Variants in EXT2 observed in about 807,000 individuals in gnomAD.
The protein encoded by EXT2 is exostosin-2.
In EXT2, 53 loss-of-function variants were observed where a neutral mutation model predicts 81.6. The observed-to-expected ratio is 0.65, with a 90% CI of 0.52 to 0.82. The LOEUF (loss-of-function observed/expected upper bound fraction) is 0.82, where lower values mean the gene tolerates loss of function less well. EXT2 is among the 40% of genes least tolerant of loss of function. The pLI is 0.00. For missense variants in EXT2, 774 were observed against 910.2 expected, an observed-to-expected ratio of 0.85 and a Z score of 1.93; for synonymous variants, 320 against 340.0, an observed-to-expected ratio of 0.94 and a Z score of 0.65.
intron 8 of EXT2, among the ~76,000 whole-genome samples, chr11:44,192,413 G>A (rs1955404619): frequency 6.6e-6 from 1 of 152,078 alleles, no homozygotes; most frequent in African/African-American, 2.4e-5. Context: ...TGAGAGGAAG[G>A]AAAGTGTTCA....
At chr11:44,211,121 A>G (rs563903114) in intron 10 of EXT2, among the ~76,000 whole-genome samples, 4 of 152,362 alleles carry the variant, frequency 2.6e-5, no homozygotes, top group African/African-American at 9.6e-5. Context: ...GGACAATGAA[A>G]CAGAATAAAG....
intron 8 of EXT2, among the ~76,000 whole-genome samples, chr11:44,187,799 A>G (rs1955337394): frequency 6.6e-6 from 1 of 152,198 alleles, no homozygotes; most frequent in Non-Finnish European, 1.5e-5. Flanking sequence ...AGTGAGACAT[A>G]TTTATATTCA....
At chr11:44,173,893 A>G (rs1401541607) in intron 8 of EXT2, among the ~76,000 whole-genome samples, 1 of 152,082 alleles carries the variant, frequency 6.6e-6, no homozygotes, top group Middle Eastern at 3.2e-3. Context: ...AACAGTAACA[A>G]GGGGCATACT....
chr11:44,121,642 C>T (rs557548483), intron 4 of EXT2, among the ~76,000 whole-genome samples: 1 of 151,120 alleles, frequency 6.6e-6, no homozygotes, highest in Non-Finnish European at 1.5e-5. Context: ...TGACCCCCTA[C>T]ATTGTGCTGC....
At chr11:44,103,559 C>CTT in intron 1 of EXT2, 1 of 369,356 alleles carries the variant, frequency 2.7e-6, no homozygotes. Flanking sequence ...AGTGTTTCCT[C>CTT]TTTTTTTTCT....
At position 44,244,460 on chromosome 11, in the gene EXT2, C is replaced by T; in HGVS notation, c.*173C>T. The T allele has an allele frequency of 1.5e-6, 1 of 648,838 alleles. No individual in the cohort carries two copies. Among genetic ancestry groups the T allele is most frequent in the East Asian group, 2.7e-5 (1 of 36,402 alleles). The allele number at this position is 648,838 out of a possible 1,614,324, so 40.2% of individuals were successfully genotyped here. ...AAGAACAAGAACCTAGAATGAATAT[C>T]CAAGCACCTCGAGCTATGCAACCTC... On this transcript the variant is annotated 3_prime_UTR_variant, in exon 14 of 14. Transcript: ENST00000533608.
At chr11:44,197,769 T>C (rs1955472944) in intron 8 of EXT2, 60 bp from the exon 9 acceptor site, 2 of 1,577,476 alleles carry the variant, frequency 1.3e-6, no homozygotes, top group Admixed American at 3.3e-5. Context: ...GCTGACGATA[T>C]TGGGTCAGCC....
At chr11:44,194,257 G>A (rs896150713) in intron 8 of EXT2, among the ~76,000 whole-genome samples, 3 of 152,214 alleles carry the variant, frequency 2.0e-5, no homozygotes, top group Middle Eastern at 3.4e-3. Flanking sequence ...AAATTTATGT[G>A]CACACTTTGT....
intron 7 of EXT2, among the ~76,000 whole-genome samples, chr11:44,139,120 C>CTT (rs397965600): frequency 0.22 from 30,041 of 139,410 alleles, 3,626 homozygotes; most frequent in Non-Finnish European, 0.28. Flanking sequence ...TCTCTCTCTC[C>CTT]TTTTTTTTTT....
intron 10 of EXT2, among the ~76,000 whole-genome samples, chr11:44,216,541 T>C (rs986862368): frequency 3.9e-5 from 6 of 152,164 alleles, no homozygotes; most frequent in African/African-American, 1.2e-4. Context: ...AACCAGATCT[T>C]ATTTCGTTCA....
At chr11:44,124,194 T>C (rs1003834848) in intron 4 of EXT2, among the ~76,000 whole-genome samples, 1 of 152,108 alleles carries the variant, frequency 6.6e-6, no homozygotes, top group African/African-American at 2.4e-5. Flanking sequence ...ACCAATTCGG[T>C]CTCCCTCCCA....
intron 5 of EXT2, 113 bp downstream of exon 5, chr11:44,125,097 G>A: frequency 1.0e-6 from 1 of 999,110 alleles, no homozygotes; most frequent in Non-Finnish European, 1.5e-6. Flanking sequence ...ATTACCCAAG[G>A]GGAAGAAAAC....
chr11:44,200,107 A>G (rs1955504809), intron 9 of EXT2, among the ~76,000 whole-genome samples: 1 of 151,814 alleles, frequency 6.6e-6, no homozygotes, highest in African/African-American at 2.4e-5. Context: ...ATGCCAGCAA[A>G]TGCATCTGAT....
At position 44,114,210 on chromosome 11, in the gene EXT2, T is replaced by C; in HGVS notation, c.652T>C (p.Ser218Pro). 1.9e-6 allele frequency: 3 copies of C among 1,614,172 alleles called. No individual in the cohort carries two copies. The highest frequency in any genetic ancestry group is 2.5e-6 in the Non-Finnish European group (3 of 1,180,000). The change falls in exon 4 of 14, where the codon TCT becomes CCT. Residue 218 changes from serine to proline, a missense_variant. By Grantham distance (74) the Ser-to-Pro change is moderately conservative. This residue lies in a region of EXT2 where 626 missense variants were observed against 670.5 expected (regional missense o/e 0.93). Transcript: ENST00000533608. ...DRALLAGGGFSTWTYRQGYDV... is the reference protein window; with the variant it reads ...DRALLAGGGFPTWTYRQGYDV... ...GGCCCTGTTGGCTGGTGGCGGCTTTTCTACGTGGACTTACCGGCAAGGCTA... is the reference window on the plus strand; with the variant it reads ...GGCCCTGTTGGCTGGTGGCGGCTTTCCTACGTGGACTTACCGGCAAGGCTA...
At chr11:44,135,173 G>T (rs977162550) in intron 7 of EXT2, among the ~76,000 whole-genome samples, 2 of 152,178 alleles carry the variant, frequency 1.3e-5, no homozygotes, top group Non-Finnish European at 2.9e-5. Flanking sequence ...GTAAATGTGT[G>T]CATACACCGA....
At chr11:44,096,446 G>T (rs144870408) in intron 1 of EXT2, 9,904 of 977,392 alleles carry the variant, frequency 0.01, 85 homozygotes, top group Non-Finnish European at 0.013. Context: ...GGGTGGCCGG[G>T]GTCATGTTGG....
chr11:44,102,101 G>A (rs960917087), intron 1 of EXT2, among the ~76,000 whole-genome samples: 12 of 152,120 alleles, frequency 7.9e-5, no homozygotes, highest in East Asian at 3.9e-4. Context: ...GATCTCTTTC[G>A]GGAAAGATCT....
intron 8 of EXT2, among the ~76,000 whole-genome samples, chr11:44,188,913 A>T (rs1423531976): frequency 6.6e-6 from 1 of 152,194 alleles, no homozygotes; most frequent in Admixed American, 6.6e-5. Flanking sequence ...CAATTGTTGA[A>T]TGACACAGGC....
intron 8 of EXT2, among the ~76,000 whole-genome samples, chr11:44,186,097 C>T (rs1248646387): frequency 3.3e-5 from 5 of 152,160 alleles, no homozygotes; most frequent in African/African-American, 4.8e-5. Context: ...TATGAAGTAG[C>T]AGGTCCAAGG....
Sources: allele counts gnomAD v4.1 joint callset (sites outside exome capture counted in the v4.1 genomes callset), GRCh38; gene constraint gnomAD v4.1.1; regional missense constraint gnomAD v4.1.1; transcripts MANE v1.5; gene names NCBI Gene and HGNC (gene_info 2026-07-23, HGNC 2026-07-21).